The following PPP1R12B variants were observed in gnomAD, a reference collection of about 807,000 sequenced individuals.
PPP1R12B encodes the protein myosin phosphatase target subunit 2.
PPP1R12B carries 76 observed loss-of-function variants against 126.1 expected under a neutral mutation model. That is an observed-to-expected ratio of 0.60 (90% CI 0.50 to 0.73). The LOEUF (loss-of-function observed/expected upper bound fraction) is 0.73, where lower values mean the gene tolerates loss of function less well. PPP1R12B is among the 30% of genes least tolerant of loss of function. PPP1R12B has a pLI of 0.00. For missense variants in PPP1R12B, 1,052 were observed against 1,205.1 expected, an observed-to-expected ratio of 0.87 and a Z score of 1.88; for synonymous variants, 356 against 434.7, an observed-to-expected ratio of 0.82 and a Z score of 2.25.
chr1:202,476,868 A>G (rs569674395), intron 13 of PPP1R12B, among the ~76,000 whole-genome samples: 17 of 151,948 alleles, frequency 1.1e-4, no homozygotes, highest in African/African-American at 3.9e-4. Context: ...TGGATTCCGG[A>G]CAAAATTTAT....
At chr1:202,465,082 C>A (rs962190361) in intron 13 of PPP1R12B, among the ~76,000 whole-genome samples, 1 of 152,136 alleles carries the variant, frequency 6.6e-6, no homozygotes, top group African/African-American at 2.4e-5. Flanking sequence ...AAGTACCCTG[C>A]TAGATGCATT....
chr1:202,437,892 G>C lies in PPP1R12B; in HGVS notation c.1326G>C (p.Leu442=), dbSNP rs1281281272. 6.2e-7 allele frequency: 1 copy of C among 1,613,868 alleles called. No homozygotes were observed. Among genetic ancestry groups the C allele is most frequent in the Non-Finnish European group, 8.5e-7 (1 of 1,179,888 alleles). ...CTCCTTCTTCATGGAGATTGGGACT[G>C]AGAAAAACTGGCAGCCACAACATGC... ...DESPSSWRLG[L]RKTGSHNMLS... is the part of the protein sequence containing the mutation. Residue 442 remains leucine, a synonymous_variant, in exon 10 of 24, where the codon CTG becomes CTC. Transcript: ENST00000608999.
intron 1 of PPP1R12B, among the ~76,000 whole-genome samples, chr1:202,364,872 G>A (rs897282803): frequency 1.3e-5 from 2 of 152,030 alleles, no homozygotes; most frequent in East Asian, 1.9e-4. Context: ...CACGGCGCCC[G>A]GCCTCATTTT....
chr1:202,583,261 G>T lies in PPP1R12B; in HGVS notation c.*2701G>T, dbSNP rs1395905972. On this transcript the variant is annotated 3_prime_UTR_variant, in exon 24 of 24. Transcript: ENST00000608999. Reference sequence around the variant, plus strand: ...TGACCCTTTTCCACTCAATAGACCAGGGAAAGGGGTTACAGAGAGCCTCCT... The same window carrying T: ...TGACCCTTTTCCACTCAATAGACCATGGAAAGGGGTTACAGAGAGCCTCCT... The T allele has an allele frequency of 6.6e-6, 1 of 152,166 alleles. No individual in the cohort carries two copies. The highest frequency in any genetic ancestry group is 1.5e-5 in the Non-Finnish European group (1 of 68,028). 9.4% of individuals were successfully genotyped at this position (152,166 alleles called of 1,614,324 possible). A position where few individuals can be genotyped will look rare whatever the true frequency, so the allele number is the denominator to read the frequency against.
At chr1:202,389,070 A>G (rs957544061) in intron 1 of PPP1R12B, among the ~76,000 whole-genome samples, 7 of 152,264 alleles carry the variant, frequency 4.6e-5, no homozygotes, top group East Asian at 1.9e-4. Flanking sequence ...CTACTTGGGG[A>G]AAAAAATTAT....
chr1:202,428,272 T>G (rs1669803658), intron 5 of PPP1R12B, among the ~76,000 whole-genome samples: 1 of 152,168 alleles, frequency 6.6e-6, no homozygotes, highest in Admixed American at 6.5e-5. Context: ...CCAGCCCATA[T>G]ATGTACTGAT....
chr1:202,540,019 A>C (rs1572439945), intron 18 of PPP1R12B: 1 of 1,367,882 alleles, frequency 7.3e-7, no homozygotes, highest in Non-Finnish European at 9.5e-7. Flanking sequence ...ATTTAGTTCT[A>C]TCCAAAGTCA....
chr1:202,458,569 G>C (rs1673931688), intron 13 of PPP1R12B, among the ~76,000 whole-genome samples: 1 of 152,188 alleles, frequency 6.6e-6, no homozygotes, highest in Non-Finnish European at 1.5e-5. Flanking sequence ...ACAATTGAGG[G>C]ATTTCCAGCA....
intron 8 of PPP1R12B, among the ~76,000 whole-genome samples, chr1:202,432,295 G>A (rs1670284976): frequency 6.6e-6 from 1 of 150,770 alleles, no homozygotes; most frequent in Non-Finnish European, 1.5e-5. Context: ...TTGAGACAGA[G>A]TCTCGCTCTG....
intron 10 of PPP1R12B, chr1:202,439,623 A>C (rs2293552): frequency 0.49 from 441,489 of 899,230 alleles, 113,614 homozygotes; most frequent in East Asian, 0.72. Context: ...CCTGTGCTCC[A>C]TAACTCCCCC....
chr1:202,452,075 G>A (rs556937238), intron 13 of PPP1R12B, among the ~76,000 whole-genome samples: 15 of 151,346 alleles, frequency 9.9e-5, no homozygotes, highest in Admixed American at 6.6e-4. Flanking sequence ...ACGGGGCGGC[G>A]GGGCAGAGGC....
chr1:202,461,172 A>G (rs1243751686), intron 13 of PPP1R12B, among the ~76,000 whole-genome samples: 3 of 151,446 alleles, frequency 2.0e-5, no homozygotes, highest in Non-Finnish European at 2.9e-5. Flanking sequence ...CCTGGGCAAT[A>G]TAGTGAGATC....
At position 202,592,336 on chromosome 1, in the gene PPP1R12B, G is replaced by A. The variant is rs1690150223; in HGVS notation, c.*11776G>A. On this transcript the variant is annotated 3_prime_UTR_variant, in exon 24 of 24. Coordinates refer to ENST00000608999, the MANE Select transcript of PPP1R12B (RefSeq NM_002481.4). ...CATCTCCCAAGGCAGGGCTGGACTG[G>A]AGCAGGCACCGACTCCCGCCCACTG... 6.5e-6 allele frequency: 1 copy of A among 152,712 alleles called. No homozygotes were observed. Among genetic ancestry groups the A allele is most frequent in the African/African-American group, 2.4e-5 (1 of 41,472 alleles). 9.5% of individuals were successfully genotyped at this position (152,712 alleles called of 1,614,324 possible).
Position 202,504,675 on chromosome 1 carries a change from A to T in PPP1R12B, c.2490+7853A>T, listed in dbSNP as rs144349612. ...CCAAATTTGTATCTTTATATCTGTTATATCTCTTATATCATATTACATACT... is the reference window on the plus strand; with the variant it reads ...CCAAATTTGTATCTTTATATCTGTTTTATCTCTTATATCATATTACATACT... On this transcript the variant is annotated intron_variant, in intron 18 of 23. Coordinates refer to ENST00000608999, the MANE Select transcript of PPP1R12B (RefSeq NM_002481.4). Among the ~76,000 whole-genome samples, 384 of 152,308 alleles carry T rather than the reference A, an allele frequency of 2.5e-3. 1 individual carries two copies. The highest frequency in any genetic ancestry group is 4.0e-3 in the Non-Finnish European group (270 of 68,024).
intron 13 of PPP1R12B, among the ~76,000 whole-genome samples, chr1:202,469,233 G>A (rs1192673855): frequency 1.3e-5 from 2 of 152,154 alleles, no homozygotes; most frequent in Admixed American, 6.5e-5. Flanking sequence ...GGTTAGTTGT[G>A]GGTAGAATAG....
At chr1:202,555,878 CTTTT>C (rs1417678339) in intron 18 of PPP1R12B, among the ~76,000 whole-genome samples, 2 of 142,222 alleles carry the variant, frequency 1.4e-5, no homozygotes, top group Admixed American at 7.1e-5. Flanking sequence ...ATATAATATT[CTTTT>C]TTTTTTTTTT....
At chr1:202,523,021 AGAATTT>A (rs1558329297) in intron 18 of PPP1R12B, among the ~76,000 whole-genome samples, 12 of 152,360 alleles carry the variant, frequency 7.9e-5, no homozygotes, top group African/African-American at 2.9e-4. Flanking sequence ...AAGAACATAA[AGAATTT>A]GAACAGCATA....
chr1:202,559,331 C>T (rs533492116), intron 19 of PPP1R12B, among the ~76,000 whole-genome samples: 1 of 152,270 alleles, frequency 6.6e-6, no homozygotes, highest in East Asian at 1.9e-4. Flanking sequence ...AGCAATTAAT[C>T]TAATCTGATG....
At chr1:202,359,368 G>T (rs532657996) in intron 1 of PPP1R12B, among the ~76,000 whole-genome samples, 1 of 151,992 alleles carries the variant, frequency 6.6e-6, no homozygotes, top group African/African-American at 2.4e-5. Context: ...CCTGACCTCA[G>T]GTGATCCACC....
Sources: allele counts gnomAD v4.1 joint callset (sites outside exome capture counted in the v4.1 genomes callset), GRCh38; gene constraint gnomAD v4.1.1; transcripts MANE v1.5; gene names NCBI Gene and HGNC (gene_info 2026-07-23, HGNC 2026-07-21).